CNTN5: variants seen among roughly 807,000 people sequenced by gnomAD.
CNTN5 encodes contactin 5.
In CNTN5, 77 loss-of-function variants were observed where a neutral mutation model predicts 129.1. That is an observed-to-expected ratio of 0.60 (90% confidence interval 0.50 to 0.72). The LOEUF is 0.72. Among genes scored for constraint, CNTN5 ranks in the 30% least tolerant of loss-of-function variants. The pLI, the probability that CNTN5 is intolerant of heterozygous loss-of-function variation, is 0.00. For synonymous variants in CNTN5, 509 were observed against 465.6 expected (o/e 1.09, Z -1.20); for missense variants, 1,478 against 1,328.8 (o/e 1.11, Z -1.75).
chr11:100,227,270 T>C (rs1396503089), intron 16 of CNTN5, among the ~76,000 whole-genome samples: 1 of 152,138 alleles, frequency 6.6e-6, no homozygotes, highest in Non-Finnish European at 1.5e-5. Flanking sequence ...CCATGAGAGA[T>C]AGTCTATAAA....
intron 3 of CNTN5, among the ~76,000 whole-genome samples, chr11:99,789,237 C>T (rs1365273516): frequency 6.6e-6 from 1 of 151,742 alleles, no homozygotes; most frequent in Non-Finnish European, 1.5e-5. Flanking sequence ...TTGTACCAGA[C>T]AATGTACTCA....
At position 100,297,806 on chromosome 11, in the gene CNTN5, A is replaced by T. The variant is rs1236674070; in HGVS notation, c.2385+111A>T. 5.0e-6 allele frequency: 4 copies of T among 792,504 alleles called. No homozygotes were observed. The South Asian group carries it at 5.1e-5, about 10-fold the overall frequency. The allele number at this position is 792,504 out of a possible 1,614,324, so 49.1% of individuals were successfully genotyped here. On this transcript the variant is annotated intron_variant, in intron 19 of 24. Transcript: ENST00000524871. ...CACTTGATTCATTTAGAGGCTAAAAACAGTGGGAGGAAGGAATGAACCACT... is the reference window on the plus strand; with the variant it reads ...CACTTGATTCATTTAGAGGCTAAAATCAGTGGGAGGAAGGAATGAACCACT...
chr11:100,129,554 A>G (rs1372487134), intron 13 of CNTN5, among the ~76,000 whole-genome samples: 4 of 152,172 alleles, frequency 2.6e-5, no homozygotes, highest in Admixed American at 1.3e-4. Context: ...GTATTTCTAA[A>G]GAGTGGCATA....
intron 1 of CNTN5, among the ~76,000 whole-genome samples, chr11:99,248,332 G>A (rs191685841): frequency 0.037 from 5,636 of 152,014 alleles, 356 homozygotes; most frequent in African/African-American, 0.13. Flanking sequence ...TTGTAAATTT[G>A]TTGGAGTTCA....
chr11:99,957,858 CGTGT>C (rs754110469), intron 8 of CNTN5, among the ~76,000 whole-genome samples: 4 of 148,488 alleles, frequency 2.7e-5, no homozygotes, highest in African/African-American at 7.4e-5. Flanking sequence ...TTGTTGTTTG[CGTGT>C]GTGTGTGTGT....
chr11:99,435,988 A>G (rs1943584099), intron 2 of CNTN5, among the ~76,000 whole-genome samples: 1 of 152,216 alleles, frequency 6.6e-6, no homozygotes, highest in Non-Finnish European at 1.5e-5. Context: ...GAAATGACTC[A>G]TAATTTTATC....
At chr11:99,097,540 A>G (rs1410462964) in intron 1 of CNTN5, among the ~76,000 whole-genome samples, 6 of 151,922 alleles carry the variant, frequency 3.9e-5, no homozygotes, top group African/African-American at 1.4e-4. Flanking sequence ...CAATTTTGTA[A>G]CATCCGTGCA....
intron 3 of CNTN5, among the ~76,000 whole-genome samples, chr11:99,564,695 G>T (rs1948947506): frequency 6.6e-6 from 1 of 151,984 alleles, no homozygotes; most frequent in Non-Finnish European, 1.5e-5. Flanking sequence ...AATCTCTATT[G>T]TGCCAAAATC....
intron 2 of CNTN5, among the ~76,000 whole-genome samples, chr11:99,479,199 A>G (rs1945493900): frequency 6.6e-6 from 1 of 151,820 alleles, no homozygotes; most frequent in Admixed American, 6.6e-5. Flanking sequence ...TTTGTTTAAG[A>G]CTGTGAATAT....
At chr11:99,589,721 C>A (rs1261723285) in intron 3 of CNTN5, among the ~76,000 whole-genome samples, 1 of 152,092 alleles carries the variant, frequency 6.6e-6, no homozygotes, top group African/African-American at 2.4e-5. Context: ...TTAATATCAA[C>A]TTAAAAGTTA....
intron 9 of CNTN5, among the ~76,000 whole-genome samples, chr11:100,059,612 G>A (rs1943379032): frequency 6.6e-6 from 1 of 152,026 alleles, no homozygotes; most frequent in Non-Finnish European, 1.5e-5. Context: ...CCTCCTTAGG[G>A]TTCAGGAAAA....
At chr11:99,627,742 A>C (rs1376095202) in intron 3 of CNTN5, among the ~76,000 whole-genome samples, 4 of 151,914 alleles carry the variant, frequency 2.6e-5, no homozygotes, top group African/African-American at 7.3e-5. Context: ...GTTGGTCTTT[A>C]ATATCTGGGC....
chr11:99,373,040 C>T (rs1847561), intron 2 of CNTN5, among the ~76,000 whole-genome samples: 33,876 of 151,892 alleles, frequency 0.22, 4,696 homozygotes, highest in Middle Eastern at 0.32. Context: ...AAAACCCTGT[C>T]TCTACTAAAA....
intron 3 of CNTN5, among the ~76,000 whole-genome samples, chr11:99,735,686 C>T (rs559655034): frequency 1.3e-5 from 2 of 152,254 alleles, no homozygotes; most frequent in East Asian, 3.9e-4. Context: ...GACAAACAGA[C>T]GTTATATACG....
intron 2 of CNTN5, among the ~76,000 whole-genome samples, chr11:99,394,115 G>C (rs1048074786): frequency 6.6e-6 from 1 of 151,672 alleles, no homozygotes; most frequent in Non-Finnish European, 1.5e-5. Flanking sequence ...ATGGGTGTAA[G>C]TGGATAATGA....
chr11:99,824,322 C>T (rs1248777449), intron 4 of CNTN5, among the ~76,000 whole-genome samples: 1 of 151,852 alleles, frequency 6.6e-6, no homozygotes, highest in African/African-American at 2.4e-5. Flanking sequence ...GTATAGTATA[C>T]CATTTTATTG....
At chr11:100,248,388 A>G (rs1565370423) in intron 16 of CNTN5, among the ~76,000 whole-genome samples, 1 of 152,056 alleles carries the variant, frequency 6.6e-6, no homozygotes, top group South Asian at 2.1e-4. Context: ...CTATAAAAAA[A>G]TTAAAAAATT....
chr11:99,052,004 T>C (rs1178406893), intron 1 of CNTN5, among the ~76,000 whole-genome samples: 1 of 151,804 alleles, frequency 6.6e-6, no homozygotes, highest in Non-Finnish European at 1.5e-5. Flanking sequence ...GAAAGTGTAG[T>C]TCAGTAGAGA....
chr11:99,288,751 T>A (rs897250479), intron 1 of CNTN5, among the ~76,000 whole-genome samples: 2 of 151,890 alleles, frequency 1.3e-5, no homozygotes, highest in African/African-American at 4.8e-5. Flanking sequence ...GAAAACAAAT[T>A]TCATTACAGC....
Sources: allele counts gnomAD v4.1 joint callset (sites outside exome capture counted in the v4.1 genomes callset), GRCh38; gene constraint gnomAD v4.1.1; transcripts MANE v1.5; gene names NCBI Gene and HGNC (gene_info 2026-07-23, HGNC 2026-07-21).